The following RHOJ variants were observed in gnomAD, a reference collection of about 807,000 sequenced individuals.
RHOJ encodes the protein rho-related GTP-binding protein RhoJ.
A neutral mutation model predicts 23.4 loss-of-function variants in RHOJ; 11 were observed. The observed-to-expected ratio is 0.47, with a 90% confidence interval of 0.30 to 0.78. The LOEUF is 0.78. RHOJ is among the 30% of genes least tolerant of loss of function. The pLI is 0.08. For missense variants in RHOJ, 254 were observed against 273.4 expected, an observed-to-expected ratio of 0.93 and a Z score of 0.50; for synonymous variants, 102 against 102.7, an observed-to-expected ratio of 0.99 and a Z score of 0.04.
intron 3 of RHOJ, 127 bp downstream of exon 3, chr14:63,281,262 C>G: frequency 2.2e-6 from 2 of 888,968 alleles, no homozygotes; most frequent in Non-Finnish European, 3.3e-6. Context: ...ATCCTATGAA[C>G]AGAAGTTCTT....
chr14:63,278,312 G>C (rs891130435), intron 2 of RHOJ, among the ~76,000 whole-genome samples: 8 of 152,154 alleles, frequency 5.3e-5, no homozygotes, highest in Admixed American at 5.2e-4. Context: ...CTAAACAATA[G>C]ATCAATGCAT....
At chr14:63,243,464 C>A (rs185020937) in intron 1 of RHOJ, among the ~76,000 whole-genome samples, 2 of 152,146 alleles carry the variant, frequency 1.3e-5, no homozygotes, top group Non-Finnish European at 2.9e-5. Flanking sequence ...CTCAGCCTCC[C>A]GAGTAGCTGG....
intron 1 of RHOJ, among the ~76,000 whole-genome samples, chr14:63,217,491 A>G (rs2139733586): frequency 6.6e-6 from 1 of 152,154 alleles, no homozygotes; most frequent in South Asian, 2.1e-4. Context: ...AGCCATATGT[A>G]GAAAGCTGAA....
At chr14:63,290,797 G>A in intron 4 of RHOJ, 81 bp from the exon 5 acceptor site, 2 of 1,395,214 alleles carry the variant, frequency 1.4e-6, no homozygotes, top group Non-Finnish European at 2.0e-6. Context: ...AGAAGTAAGT[G>A]CTTGTCTGGG....
At chr14:63,255,870 T>A (rs1594767739) in intron 1 of RHOJ, among the ~76,000 whole-genome samples, 2 of 151,866 alleles carry the variant, frequency 1.3e-5, no homozygotes, top group Admixed American at 6.6e-5. Context: ...TTTTTTTACC[T>A]TTTTTAAGAG....
intron 2 of RHOJ, among the ~76,000 whole-genome samples, chr14:63,273,126 A>T (rs1398236142): frequency 2.0e-5 from 3 of 152,208 alleles, no homozygotes; most frequent in Non-Finnish European, 4.4e-5. Context: ...GAAACAAACT[A>T]ACATTTGGAC....
At chr14:63,225,889 C>T (rs1227257778) in intron 1 of RHOJ, among the ~76,000 whole-genome samples, 1 of 152,060 alleles carries the variant, frequency 6.6e-6, no homozygotes, top group African/African-American at 2.4e-5. Flanking sequence ...TCAATAGACC[C>T]GGTTCACATC....
intron 1 of RHOJ, among the ~76,000 whole-genome samples, chr14:63,248,937 C>G (rs182995827): frequency 6.6e-6 from 1 of 152,320 alleles, no homozygotes; most frequent in East Asian, 1.9e-4. Flanking sequence ...CCCCGCATCT[C>G]CACCCTCACT....
chr14:63,286,762 T>A (rs1882096029), intron 4 of RHOJ, among the ~76,000 whole-genome samples: 1 of 152,214 alleles, frequency 6.6e-6, no homozygotes, highest in African/African-American at 2.4e-5. Flanking sequence ...CTCCATATTA[T>A]CCTATACTCA....
intron 2 of RHOJ, among the ~76,000 whole-genome samples, chr14:63,275,905 A>AC (rs113034803): frequency 0.12 from 18,381 of 151,576 alleles, 1,380 homozygotes; most frequent in African/African-American, 0.22. Context: ...ACTCCCCCCA[A>AC]CCCCCAGTCC....
intron 1 of RHOJ, among the ~76,000 whole-genome samples, chr14:63,214,844 G>A (rs1158484838): frequency 6.6e-6 from 1 of 152,092 alleles, no homozygotes; most frequent in Non-Finnish European, 1.5e-5. Context: ...AATCTGCAAA[G>A]CTACATATGG....
intron 1 of RHOJ, among the ~76,000 whole-genome samples, chr14:63,217,927 A>G (rs1594752318): frequency 6.6e-6 from 1 of 152,214 alleles, no homozygotes; most frequent in South Asian, 2.1e-4. Context: ...CAGGCCTAAC[A>G]GGATGTAAAC....
intron 1 of RHOJ, among the ~76,000 whole-genome samples, chr14:63,254,605 A>G (rs17100924): frequency 0.065 from 9,903 of 152,170 alleles, 1,094 homozygotes; most frequent in African/African-American, 0.23. Flanking sequence ...TGTGGGGGAA[A>G]AAAGAAAATT....
At chr14:63,280,639 T>C (rs1292906156) in intron 2 of RHOJ, among the ~76,000 whole-genome samples, 4 of 152,208 alleles carry the variant, frequency 2.6e-5, no homozygotes, top group Admixed American at 2.0e-4. Context: ...GTTGTACACC[T>C]TAAATGTATA....
intron 1 of RHOJ, among the ~76,000 whole-genome samples, chr14:63,250,563 C>T (rs1315072527): frequency 1.3e-5 from 2 of 152,096 alleles, no homozygotes; most frequent in South Asian, 2.1e-4. Flanking sequence ...ATCTCAGGAC[C>T]TCTGTATGTG....
chr14:63,253,679 A>G (rs1309084542), intron 1 of RHOJ, among the ~76,000 whole-genome samples: 1 of 152,272 alleles, frequency 6.6e-6, no homozygotes, highest in East Asian at 1.9e-4. Flanking sequence ...CTCCCTTCTT[A>G]CTGTTTCTAA....
intron 1 of RHOJ, among the ~76,000 whole-genome samples, chr14:63,233,166 G>T (rs893175624): frequency 6.6e-6 from 1 of 152,124 alleles, no homozygotes; most frequent in Non-Finnish European, 1.5e-5. Flanking sequence ...AAAAGAGAGG[G>T]CTTTGTATTC....
intron 1 of RHOJ, among the ~76,000 whole-genome samples, chr14:63,207,319 C>T (rs116906608): frequency 0.16 from 24,715 of 151,952 alleles, 2,791 homozygotes; most frequent in African/African-American, 0.32. Context: ...CGTGAGCCAC[C>T]GCGCCCAACC....
chr14:63,282,172 C>G (rs537308118), intron 3 of RHOJ, among the ~76,000 whole-genome samples: 1 of 152,202 alleles, frequency 6.6e-6, no homozygotes, highest in East Asian at 1.9e-4. Context: ...TTGATGGAGC[C>G]TGAATCCCTG....
Sources: gnomAD v4.1 joint callset for allele counts (sites outside exome capture counted in the v4.1 genomes callset) on GRCh38, gnomAD v4.1.1 for gene constraint, MANE v1.5 for transcripts, NCBI Gene and HGNC (gene_info 2026-07-23, HGNC 2026-07-21) for gene names.